PRTG: variants seen among roughly 807,000 people sequenced by gnomAD.
The protein encoded by PRTG is immunoglobulin superfamily, DCC subclass, member 5.
PRTG carries 67 observed loss-of-function variants against 122.5 expected under a neutral mutation model. That is an observed-to-expected ratio of 0.55 (90% confidence interval 0.45 to 0.67). PRTG has a LOEUF of 0.67. Ranked by LOEUF, PRTG falls within the 30% of genes least tolerant of loss-of-function variation. PRTG has a pLI of 0.00. For missense variants in PRTG, 1,435 were observed against 1,415.4 expected (o/e 1.01, Z -0.22); for synonymous variants, 554 against 501.1 (o/e 1.11, Z -1.41).
At chr15:55,666,274 G>A (rs542057130) in intron 11 of PRTG, among the ~76,000 whole-genome samples, 1 of 152,190 alleles carries the variant, frequency 6.6e-6, no homozygotes, top group Non-Finnish European at 1.5e-5. Context: ...TTCTTATAAG[G>A]GCATCAGCCT....
At chr15:55,739,830 C>A (rs187609062) in intron 2 of PRTG, among the ~76,000 whole-genome samples, 72 of 152,314 alleles carry the variant, frequency 4.7e-4, no homozygotes, top group Non-Finnish European at 4.9e-4. Context: ...TGGCCTTAAT[C>A]TCTTTCCCTC....
At chr15:55,624,068 T>C (rs1160130114) in intron 18 of PRTG, among the ~76,000 whole-genome samples, 1 of 152,108 alleles carries the variant, frequency 6.6e-6, no homozygotes, top group Non-Finnish European at 1.5e-5. Flanking sequence ...CTCCATATAA[T>C]CTCATCTAAC....
chr15:55,640,054 T>G, intron 12 of PRTG: 1 of 643,606 alleles, frequency 1.6e-6, no homozygotes, highest in Non-Finnish European at 1.9e-6. Context: ...CAGGCATACA[T>G]TCTAAGAAAT....
chr15:55,633,242 CT>C lies in PRTG; in HGVS notation c.2623+3927del, dbSNP rs113147184. ...TATGAGGAGGGTAAAGGCCTGTAAT[CT>C]TTTTTTTTTAATACTGAGTGCAGTG... On this transcript the variant is annotated intron_variant, in intron 15 of 19. Transcript: ENST00000389286. Among the ~76,000 whole-genome samples the C allele has an allele frequency of 1.3e-4, 20 of 149,416 alleles. No homozygotes were observed. The East Asian group carries it at 2.9e-3, about 22-fold the overall frequency.
In PRTG at chr15:55,618,998, AG is replaced by A. The variant is rs1032416361; in HGVS notation, c.*1013del. On this transcript the variant is annotated 3_prime_UTR_variant, in exon 20 of 20. Coordinates refer to ENST00000389286, the MANE Select transcript of PRTG (RefSeq NM_173814.6). The stretch of plus-strand genomic sequence containing the variant: ...TTAAGCCAAACTGGGATTTAAAAAA[AG>A]AAAAAAAACCACCTTAACCCATTTT... 55 of 152,272 alleles carry A rather than the reference AG, an allele frequency of 3.6e-4. No homozygotes were observed. The highest frequency in any genetic ancestry group is 1.2e-3 in the African/African-American group (51 of 41,554). The allele number at this position is 152,272 out of a possible 1,614,324, so 9.4% of individuals were successfully genotyped here. A position where few individuals can be genotyped will look rare whatever the true frequency, so the allele number is the denominator to read the frequency against.
intron 2 of PRTG, among the ~76,000 whole-genome samples, chr15:55,693,977 A>T (rs1056647326): frequency 6.6e-6 from 1 of 152,134 alleles, no homozygotes; most frequent in African/African-American, 2.4e-5. Flanking sequence ...CTAAAATTTA[A>T]TTTTTTTCCG....
intron 4 of PRTG, 21 bp downstream of exon 4, chr15:55,682,342 GA>G (rs1292280109): frequency 3.2e-6 from 5 of 1,545,440 alleles, no homozygotes; most frequent in East Asian, 2.4e-5. Flanking sequence ...CATAAAAATG[GA>G]AAAACCACTC....
intron 15 of PRTG, among the ~76,000 whole-genome samples, chr15:55,630,208 G>A (rs949994552): frequency 6.6e-6 from 1 of 152,046 alleles, no homozygotes; most frequent in South Asian, 2.1e-4. Flanking sequence ...GGATGGTCTC[G>A]ATCTCCTGCC....
chr15:55,646,380 T>G (rs1025193273), intron 11 of PRTG, among the ~76,000 whole-genome samples: 2 of 151,116 alleles, frequency 1.3e-5, no homozygotes, highest in Non-Finnish European at 2.9e-5. Context: ...TGGAGTGCAG[T>G]GGCACGATCT....
chr15:55,629,371 A>ATGTGTGTG (rs1457708289), intron 15 of PRTG, among the ~76,000 whole-genome samples: 201 of 35,438 alleles, frequency 5.7e-3, no homozygotes, highest in African/African-American at 0.011. Flanking sequence ...ATATATATAT[A>ATGTGTGTG]TATATGTGTG....
In PRTG at chr15:55,613,860, A is replaced by T. The variant is rs2059131211; in HGVS notation, c.*6152T>A. ...CTAGGGTTTGTATCTTGCCTAAACC[A>T]CTCACTAGCTGTGACTTTTGGCAAG... On this transcript the variant is annotated 3_prime_UTR_variant, in exon 20 of 20. Transcript: ENST00000389286. The T allele has an allele frequency of 6.8e-6, 1 of 147,928 alleles. No homozygotes were observed. Among genetic ancestry groups the T allele is most frequent in the Non-Finnish European group, 1.5e-5 (1 of 67,498 alleles). 9.2% of individuals were successfully genotyped at this position (147,928 alleles called of 1,614,324 possible).
chr15:55,698,604 C>T (rs1201874733), intron 2 of PRTG, among the ~76,000 whole-genome samples: 1 of 152,136 alleles, frequency 6.6e-6, no homozygotes. Flanking sequence ...TTCATTACTT[C>T]TTCTGGGGTA....
chr15:55,684,268 T>C (rs572259689), intron 2 of PRTG, among the ~76,000 whole-genome samples: 2 of 152,348 alleles, frequency 1.3e-5, no homozygotes, highest in African/African-American at 4.8e-5. Flanking sequence ...TACTATTGTA[T>C]ATCAGAGGAG....
intron 16 of PRTG, among the ~76,000 whole-genome samples, chr15:55,627,337 T>TTG: frequency 6.6e-6 from 1 of 150,774 alleles, no homozygotes; most frequent in Middle Eastern, 3.4e-3. Flanking sequence ...TTTTTTTTTT[T>TTG]TTTTTTGAGA....
At chr15:55,650,471 G>C (rs984185308) in intron 11 of PRTG, among the ~76,000 whole-genome samples, 1 of 152,102 alleles carries the variant, frequency 6.6e-6, no homozygotes, top group Non-Finnish European at 1.5e-5. Context: ...GGAGAGAGGA[G>C]CACATTCTCC....
chr15:55,653,908 T>A (rs2059366669), intron 11 of PRTG, among the ~76,000 whole-genome samples: 1 of 152,252 alleles, frequency 6.6e-6, no homozygotes, highest in Non-Finnish European at 1.5e-5. Flanking sequence ...TCATTTTTAA[T>A]TGTCCATCAG....
At chr15:55,665,447 A>G (rs182695799) in intron 11 of PRTG, among the ~76,000 whole-genome samples, 126 of 151,906 alleles carry the variant, frequency 8.3e-4, no homozygotes, top group African/African-American at 2.8e-3. Flanking sequence ...TAGAACTTCT[A>G]AATTCTAGTA....
intron 3 of PRTG, 101 bp downstream of exon 3, chr15:55,683,686 T>C: frequency 2.2e-6 from 2 of 919,584 alleles, no homozygotes; most frequent in Non-Finnish European, 1.6e-6. Context: ...ATTACTGCCC[T>C]AAATAAAAAT....
chr15:55,703,013 G>T, intron 2 of PRTG: 1 of 745,162 alleles, frequency 1.3e-6, no homozygotes, highest in Non-Finnish European at 1.6e-6. Context: ...GAATCCACTA[G>T]GCCAGACTTG....
Sources: allele counts gnomAD v4.1 joint callset (sites outside exome capture counted in the v4.1 genomes callset), GRCh38; gene constraint gnomAD v4.1.1; transcripts MANE v1.5; gene names NCBI Gene and HGNC (gene_info 2026-07-23, HGNC 2026-07-21).